ZNF322: variants seen among roughly 807,000 people sequenced by gnomAD.
ZNF322 encodes the protein HLA complex group 12.
In ZNF322, 1 loss-of-function variant was observed where a neutral mutation model predicts 18.3. That is an observed-to-expected ratio of 0.05 (90% CI 0.02 to 0.26). The LOEUF is 0.26. Among genes scored for constraint, ZNF322 ranks in the 10% least tolerant of loss-of-function variants. The pLI is 1.00. For missense variants in ZNF322, 36 were observed against 403.6 expected, an observed-to-expected ratio of 0.09 and a Z score of 7.80; for synonymous variants, 17 against 130.7, an observed-to-expected ratio of 0.13 and a Z score of 5.93.
chr6:26,643,214 G>A (rs1322323753), intron 3 of ZNF322, among the ~76,000 whole-genome samples: 2 of 152,190 alleles, frequency 1.3e-5, no homozygotes, highest in Non-Finnish European at 2.9e-5. Flanking sequence ...CTCCAGATGT[G>A]TGTATGAATT....
chr6:26,640,930 ATAT>A (rs1765456360), intron 3 of ZNF322, among the ~76,000 whole-genome samples: 1 of 152,238 alleles, frequency 6.6e-6, no homozygotes, highest in Non-Finnish European at 1.5e-5. Context: ...AAAGGAAATG[ATAT>A]TAAAGCTCAC....
rs1561924852 is a variant in ZNF322 at position 26,649,680 on chromosome 6, TATATATATATATATATATA to T, written c.-245-5971_-245-5953del. Among the ~76,000 whole-genome samples the T allele has an allele frequency of 9.1e-4, 21 of 23,166 alleles. 1 individual carries two copies. Among genetic ancestry groups the T allele is most frequent in the South Asian group, 6.3e-3 (3 of 476 alleles). 15.2% of individuals were successfully genotyped at this position (23,166 alleles called of 152,430 possible). A position where few individuals can be genotyped will look rare whatever the true frequency, so the allele number is the denominator to read the frequency against. On this transcript the variant is annotated intron_variant, in intron 2 of 3. Coordinates refer to ENST00000415922, the MANE Select transcript of ZNF322 (RefSeq NM_024639.5). ...GTGTGTGTGTGTGTGTGTGTGTATA[TATATATATATATATATATA>T]TATTTTTTTTTTTTTTTTTTTGAGA...
At chr6:26,651,724 A>T (rs1355826759) in intron 2 of ZNF322, among the ~76,000 whole-genome samples, 3 of 152,120 alleles carry the variant, frequency 2.0e-5, no homozygotes, top group African/African-American at 7.2e-5. Flanking sequence ...CTTCTCAATT[A>T]AAAAAAATTT....
chr6:26,646,232 T>C (rs1392516929), intron 2 of ZNF322, among the ~76,000 whole-genome samples: 2 of 152,050 alleles, frequency 1.3e-5, no homozygotes, highest in African/African-American at 4.8e-5. Context: ...TCAATAAATA[T>C]AAATGAGCTT....
chr6:26,645,005 CTCCCTGTGTCTAACTGTTCACATTGT>C (rs1765531604), intron 2 of ZNF322, among the ~76,000 whole-genome samples: 1 of 152,136 alleles, frequency 6.6e-6, no homozygotes, highest in African/African-American at 2.4e-5. Flanking sequence ...TGTTGTTCCC[CTCCCTGTGTCTAACTGTTCACATTGT>C]TCAGCTCCCA....
intron 2 of ZNF322, among the ~76,000 whole-genome samples, chr6:26,645,614 T>C (rs1561923308): frequency 6.6e-6 from 1 of 152,000 alleles, no homozygotes; most frequent in East Asian, 1.9e-4. Flanking sequence ...ACTATTAAAC[T>C]AAAAAACCAT....
At chr6:26,651,246 T>C (rs1765662983) in intron 2 of ZNF322, 1 of 108,584 alleles carries the variant, frequency 9.2e-6, no homozygotes, top group Non-Finnish European at 1.9e-5. Flanking sequence ...GACATTCACA[T>C]GCAAAAAAAA....
At chr6:26,649,661 GTGTGTGTGTGTGTGTATA>G (rs1433951008) in intron 2 of ZNF322, among the ~76,000 whole-genome samples, 5 of 44,240 alleles carry the variant, frequency 1.1e-4, no homozygotes, top group Admixed American at 4.5e-4. Context: ...GTGTGTGTGT[GTGTGTGTGTGTGTGTATA>G]TATATATATA....
At chr6:26,653,174 A>C (rs1257699349) in intron 2 of ZNF322, among the ~76,000 whole-genome samples, 1 of 152,196 alleles carries the variant, frequency 6.6e-6, no homozygotes, top group Non-Finnish European at 1.5e-5. Context: ...TACATGAAAT[A>C]CCAGTATCAC....
chr6:26,649,671 GTGTGTATATATATATATATATA>G (rs1396642754), intron 2 of ZNF322, among the ~76,000 whole-genome samples: 17 of 37,838 alleles, frequency 4.5e-4, no homozygotes, highest in African/African-American at 1.8e-3. Context: ...GTGTGTGTGT[GTGTGTATATATATATATATATA>G]TATATATATT....
At chr6:26,656,435 A>G (rs782453768) in intron 2 of ZNF322, among the ~76,000 whole-genome samples, 1 of 152,198 alleles carries the variant, frequency 6.6e-6, no homozygotes, top group Non-Finnish European at 1.5e-5. Flanking sequence ...AACCACTAAC[A>G]TGTATTAAGC....
At chr6:26,648,082 A>G (rs964297914) in intron 2 of ZNF322, among the ~76,000 whole-genome samples, 2 of 152,122 alleles carry the variant, frequency 1.3e-5, no homozygotes, top group African/African-American at 2.4e-5. Context: ...ACAAAAATCA[A>G]TACCACATTA....
At chr6:26,648,104 T>C (rs1350320213) in intron 2 of ZNF322, among the ~76,000 whole-genome samples, 1 of 152,130 alleles carries the variant, frequency 6.6e-6, no homozygotes, top group Non-Finnish European at 1.5e-5. Flanking sequence ...GAAAATAATA[T>C]ACCATGACCA....
intron 2 of ZNF322, among the ~76,000 whole-genome samples, chr6:26,656,123 G>A (rs1272712679): frequency 6.6e-6 from 1 of 152,162 alleles, no homozygotes; most frequent in South Asian, 2.1e-4. Context: ...AAAATTAAAA[G>A]GTATTTTATT....
chr6:26,646,057 A>G, intron 2 of ZNF322, among the ~76,000 whole-genome samples: 1 of 82,036 alleles, frequency 1.2e-5, no homozygotes, highest in South Asian at 4.4e-4. Flanking sequence ...ATAAATAAAT[A>G]AATAAATAAA....
rs1291714118 is a variant in ZNF322, at chr6:26,638,346, G to C, written c.208C>G (p.Pro70Ala). The C allele has an allele frequency of 1.2e-6, 2 of 1,613,592 alleles. No homozygotes were observed. Among genetic ancestry groups the C allele is most frequent in the East Asian group, 4.5e-5 (2 of 44,880 alleles). The change falls in exon 4 of 4, where the codon CCT (proline) becomes GCT (alanine). Residue 70 changes from proline to alanine, a missense_variant. Pro to Ala is a conservative substitution (Grantham distance 27, BLOSUM62 -1). Transcript: ENST00000415922. Reference protein sequence around the residue: ...MCERTHTGEKPYKCDMCEKTF... With the variant: ...MCERTHTGEKAYKCDMCEKTF... Reference sequence around the variant, plus strand: ...TTCTCACACATATCACATTTATAAGGTTTCTCCCCAGTATGGGTTCTCTCA... The same window carrying C: ...TTCTCACACATATCACATTTATAAGCTTTCTCCCCAGTATGGGTTCTCTCA...
At position 26,638,737 on chromosome 6, in the gene ZNF322, C is replaced by T. The variant is rs1206740851; in HGVS notation, c.-175-9G>A. On this transcript the variant is annotated splice_polypyrimidine_tract_variant and intron_variant, in intron 3 of 3. Coordinates refer to ENST00000415922, the MANE Select transcript of ZNF322 (RefSeq NM_024639.5). ...ACTTGGTATTTCCAACCCTGTGAGA[C>T]AAAGTAGAAATATTATTTATATTCC... 2.0e-6 allele frequency: 2 copies of T among 982,912 alleles called. No individual in the cohort carries two copies. The highest frequency in any genetic ancestry group is 2.9e-6 in the Non-Finnish European group (2 of 680,486). 60.9% of individuals were successfully genotyped at this position (982,912 alleles called of 1,614,324 possible). A position where few individuals can be genotyped will look rare whatever the true frequency, so the allele number is the denominator to read the frequency against.
intron 2 of ZNF322, among the ~76,000 whole-genome samples, chr6:26,656,462 A>G (rs1298244804): frequency 6.6e-6 from 1 of 152,206 alleles, no homozygotes; most frequent in Non-Finnish European, 1.5e-5. Context: ...TCTATGCCTG[A>G]TTCTTGTGCA....
At chr6:26,641,333 C>G (rs1765462131) in intron 3 of ZNF322, among the ~76,000 whole-genome samples, 1 of 152,058 alleles carries the variant, frequency 6.6e-6, no homozygotes, top group Non-Finnish European at 1.5e-5. Context: ...AAACACAGAT[C>G]CACAAGAAAT....
Sources: gnomAD v4.1 joint callset for allele counts (sites outside exome capture counted in the v4.1 genomes callset) on GRCh38, gnomAD v4.1.1 for gene constraint, MANE v1.5 for transcripts, NCBI Gene and HGNC (gene_info 2026-07-23, HGNC 2026-07-21) for gene names.